The following GLB1L3 variants were observed in gnomAD, a reference collection of about 807,000 sequenced individuals.
GLB1L3 encodes galactosidase beta 1 like 3, also known as beta-galactosidase-1-like protein 3.
Under a neutral mutation model 89.5 loss-of-function variants are expected in GLB1L3, and 89 were observed. That is an observed-to-expected ratio of 0.99 (90% CI 0.84 to 1.19). GLB1L3 has a LOEUF of 1.19. Ranked by LOEUF, GLB1L3 falls within the 50% of genes most tolerant of loss-of-function variation. The pLI is 0.00. For synonymous variants in GLB1L3, 314 were observed against 312.3 expected (o/e 1.01, Z -0.06); for missense variants, 812 against 813.3 (o/e 1.00, Z 0.02).
intron 3 of GLB1L3, among the ~76,000 whole-genome samples, chr11:134,280,161 T>G (rs1395357381): frequency 6.6e-6 from 1 of 151,746 alleles, no homozygotes; most frequent in Non-Finnish European, 1.5e-5. Context: ...GGGAATACGC[T>G]TTCTGTTTTA....
intron 9 of GLB1L3, among the ~76,000 whole-genome samples, chr11:134,303,817 T>C (rs2136186197): frequency 6.6e-6 from 1 of 152,280 alleles, no homozygotes; most frequent in East Asian, 1.9e-4. Context: ...CTGCTTGAAG[T>C]ACATGCTTTA....
intron 17 of GLB1L3, 71 bp from the exon 18 acceptor site, chr11:134,314,258 AC>A: frequency 9.4e-7 from 1 of 1,065,610 alleles, no homozygotes; most frequent in Non-Finnish European, 1.4e-6. Flanking sequence ...GGCCCACGCC[AC>A]CTGGGGTGGG....
At chr11:134,281,335 A>G in intron 3 of GLB1L3, 42 bp from the exon 4 acceptor site, 1 of 1,611,542 alleles carries the variant, frequency 6.2e-7, no homozygotes, top group Non-Finnish European at 8.5e-7. Context: ...TGGAGGAAGA[A>G]ATAAGAAGAT....
chr11:134,283,933 A>G, intron 6 of GLB1L3, 88 bp downstream of exon 6: 1 of 749,734 alleles, frequency 1.3e-6, no homozygotes, highest in Non-Finnish European at 2.3e-6. Context: ...GGCCACATGC[A>G]GTCTCCATGA....
intron 8 of GLB1L3, 31 bp downstream of exon 8, chr11:134,292,244 C>T: frequency 6.6e-7 from 1 of 1,511,082 alleles, no homozygotes; most frequent in East Asian, 2.3e-5. Context: ...CACAGGAGAA[C>T]AGGGCTCTCA....
chr11:134,318,390 A>G (rs1943069065), intron 18 of GLB1L3, among the ~76,000 whole-genome samples: 1 of 152,234 alleles, frequency 6.6e-6, no homozygotes, highest in Non-Finnish European at 1.5e-5. Context: ...AAAATATATA[A>G]CATTATATAT....
intron 10 of GLB1L3, among the ~76,000 whole-genome samples, chr11:134,308,667 C>CCACCAT (rs1942561863): frequency 3.3e-5 from 5 of 149,748 alleles, no homozygotes; most frequent in Non-Finnish European, 7.4e-5. Context: ...ACCACCACCA[C>CCACCAT]CACCACCAAC....
intron 7 of GLB1L3, among the ~76,000 whole-genome samples, chr11:134,290,718 A>G (rs775092601): frequency 6.6e-6 from 1 of 151,988 alleles, no homozygotes; most frequent in Non-Finnish European, 1.5e-5. Flanking sequence ...GGTTTTTCAG[A>G]TTAGATGTCC....
intron 6 of GLB1L3, 134 bp downstream of exon 6, chr11:134,283,979 G>C: frequency 1.6e-6 from 1 of 641,062 alleles, no homozygotes; most frequent in South Asian, 1.8e-5. Flanking sequence ...CTTGAGTTCT[G>C]GACCCTTGGC....
At chr11:134,319,738 GTGTGTGTGTGCGCGCGCGCGTGCA>G (rs1943133785), downstream of GLB1L3, among the ~76,000 whole-genome samples, 1 of 139,086 alleles carries the variant, frequency 7.2e-6, no homozygotes, top group Admixed American at 7.1e-5. Flanking sequence ...GTGTGTGTGT[GTGTGTGTGTGCGCGCGCGCGTGCA>G]TGTGTGTGTG....
intron 19 of GLB1L3, 33 bp downstream of exon 19, chr11:134,318,780 A>G (rs779712171): frequency 6.5e-7 from 1 of 1,527,568 alleles, no homozygotes; most frequent in Non-Finnish European, 9.1e-7. Flanking sequence ...TTGAGATCTC[A>G]TAAACTTTCA....
intron 10 of GLB1L3, among the ~76,000 whole-genome samples, chr11:134,308,380 T>A (rs62647608): frequency 2.3e-4 from 4 of 17,528 alleles, no homozygotes; most frequent in South Asian, 2.0e-3. Flanking sequence ...ACCACCACCA[T>A]CACCACCATC....
At chr11:134,293,062 C>T (rs975700034) in intron 8 of GLB1L3, 83 bp from the exon 9 acceptor site, 20 of 1,087,982 alleles carry the variant, frequency 1.8e-5, no homozygotes, top group South Asian at 2.6e-5. Flanking sequence ...CTCCTGCGTG[C>T]GTCCGGGCCG....
rs957517372 is a variant in GLB1L3 at position 134,301,321 on chromosome 11, G to C, written c.877-5803G>C. Among the ~76,000 whole-genome samples, 20 of 152,244 alleles carry C rather than the reference G, an allele frequency of 1.3e-4. No individual in the cohort carries two copies. In the East Asian group the frequency reaches 3.9e-3, roughly 29 times the overall value. ...ATGTTTTTCCCACTGCTATATCTCT[G>C]AGCTGTACTCAGAAGTCTGTTTCCT... On this transcript the variant is annotated intron_variant, in intron 9 of 19. Transcript: ENST00000431683.
intron 7 of GLB1L3, among the ~76,000 whole-genome samples, chr11:134,289,446 G>T (rs1369450147): frequency 2.0e-5 from 3 of 152,092 alleles, no homozygotes; most frequent in Non-Finnish European, 4.4e-5. Flanking sequence ...AGTATAAGTG[G>T]ATCCGCACGG....
At position 134,277,771 on chromosome 11, in the gene GLB1L3, G is replaced by T; in HGVS notation, c.221G>T (p.Gly74Val). The T allele has an allele frequency of 6.2e-7, 1 of 1,613,926 alleles. No individual in the cohort carries two copies. Residue 74 changes from glycine (G) to valine (V), a missense_variant, in exon 3 of 20, where the codon GGT (glycine) becomes GTT (valine). Physicochemically the swap from Gly to Val is moderately radical, Grantham distance 109. This residue lies in a region of GLB1L3 where 191 missense variants were observed against 191.4 expected (regional missense o/e 1.00). Transcript: ENST00000431683. Reference sequence around the variant, plus strand: ...GTGGGACTTGGAACTGAAAGCACAGGTCGGGGTAAGCCCCACTTCACACTG... The same window carrying T: ...GTGGGACTTGGAACTGAAAGCACAGTTCGGGGTAAGCCCCACTTCACACTG... ...RSVGLGTESTGRGKPHFTLEG... is the reference protein window; with the variant it reads ...RSVGLGTESTVRGKPHFTLEG...
chr11:134,311,030 G>T (rs1942705083), intron 12 of GLB1L3, 34 bp from the exon 13 acceptor site: 4 of 1,519,254 alleles, frequency 2.6e-6, no homozygotes, highest in Admixed American at 1.7e-5. Flanking sequence ...GTCATCTCAG[G>T]CACTTTTTGC....
chr11:134,282,927 G>A (rs953841216), intron 5 of GLB1L3, among the ~76,000 whole-genome samples: 5 of 152,206 alleles, frequency 3.3e-5, no homozygotes, highest in Non-Finnish European at 5.9e-5. Flanking sequence ...TAGCTTGGCT[G>A]GAGGCCTGCC....
chr11:134,297,292 T>C (rs1941701234), intron 9 of GLB1L3, among the ~76,000 whole-genome samples: 1 of 152,218 alleles, frequency 6.6e-6, no homozygotes. Context: ...TTCTTGTAGA[T>C]ATCATATATT....
Sources: allele counts gnomAD v4.1 joint callset (sites outside exome capture counted in the v4.1 genomes callset), GRCh38; gene constraint gnomAD v4.1.1; regional missense constraint gnomAD v4.1.1; transcripts MANE v1.5; gene names NCBI Gene and HGNC (gene_info 2026-07-23, HGNC 2026-07-21).